PTPRD: variants seen among roughly 807,000 people sequenced by gnomAD.
PTPRD encodes the protein receptor-type tyrosine-protein phosphatase delta.
PTPRD carries 34 observed loss-of-function variants against 214.5 expected under a neutral mutation model. That is an observed-to-expected ratio of 0.16 (90% CI 0.12 to 0.21). PTPRD has a LOEUF of 0.21. Ranked by LOEUF, PTPRD falls within the 10% of genes least tolerant of loss-of-function variation. The pLI is 1.00. For missense variants in PTPRD, 2,545 were observed against 2,398.7 expected (o/e 1.06, Z -1.27); for synonymous variants, 1,128 against 845.7 (o/e 1.33, Z -5.79).
At chr9:10,388,498 C>T (rs898563216) in intron 2 of PTPRD, among the ~76,000 whole-genome samples, 2 of 142,494 alleles carry the variant, frequency 1.4e-5, no homozygotes, top group Non-Finnish European at 3.1e-5. Context: ...AAAAAAAAAG[C>T]TAATGGTGCC....
At chr9:10,332,495 C>T (rs2096769484) in intron 3 of PTPRD, among the ~76,000 whole-genome samples, 2 of 151,770 alleles carry the variant, frequency 1.3e-5, no homozygotes, top group African/African-American at 2.4e-5. Flanking sequence ...ACATCTTTGA[C>T]TTTCGAACCC....
At chr9:9,796,437 G>A (rs1251290991) in intron 5 of PTPRD, among the ~76,000 whole-genome samples, 1 of 152,092 alleles carries the variant, frequency 6.6e-6, no homozygotes, top group Admixed American at 6.6e-5. Context: ...TTGAAATGAT[G>A]GCTCTGATGT....
intron 2 of PTPRD, among the ~76,000 whole-genome samples, chr9:10,409,721 C>A (rs1478510201): frequency 6.6e-6 from 1 of 151,750 alleles, no homozygotes; most frequent in Non-Finnish European, 1.5e-5. Context: ...AAATTTGCTT[C>A]TAATAAATAC....
chr9:10,211,875 C>A (rs1267157234), intron 3 of PTPRD, among the ~76,000 whole-genome samples: 1 of 152,034 alleles, frequency 6.6e-6, no homozygotes, highest in Non-Finnish European at 1.5e-5. Context: ...GTGATGGTTG[C>A]ACTAAAAGCC....
intron 32 of PTPRD, among the ~76,000 whole-genome samples, chr9:8,463,435 A>G (rs965345260): frequency 4.6e-5 from 7 of 151,424 alleles, no homozygotes; most frequent in African/African-American, 1.5e-4. Flanking sequence ...TGCTTTACCC[A>G]CTCCATTTTG....
intron 14 of PTPRD, among the ~76,000 whole-genome samples, chr9:8,630,761 G>A (rs2096227899): frequency 6.6e-6 from 1 of 151,816 alleles, no homozygotes; most frequent in Non-Finnish European, 1.5e-5. Flanking sequence ...AAAAGCAGAG[G>A]AGATGATGAA....
Position 8,486,435 on chromosome 9 carries a change from C to G in PTPRD, c.2468-86G>C, listed in dbSNP as rs1450644449. On this transcript the variant is annotated intron_variant, in intron 27 of 45. Coordinates refer to ENST00000381196, the MANE Select transcript of PTPRD (RefSeq NM_002839.4). ...TGCCAAATGAGGGAGTTCCACTCTA[C>G]TGGTATTCCCATTTTCTTACTTACC... The G allele has an allele frequency of 5.3e-6, 6 of 1,135,764 alleles. No homozygotes were observed. The South Asian group carries it at 7.4e-5, about 14-fold the overall frequency. The allele number at this position is 1,135,764 out of a possible 1,614,324, so 70.4% of individuals were successfully genotyped here. A position where few individuals can be genotyped will look rare whatever the true frequency, so the allele number is the denominator to read the frequency against.
At chr9:10,082,462 A>T (rs1460007122) in intron 3 of PTPRD, among the ~76,000 whole-genome samples, 1 of 152,096 alleles carries the variant, frequency 6.6e-6, no homozygotes, top group Non-Finnish European at 1.5e-5. Context: ...TGATTTATGT[A>T]TATGGCTACA....
chr9:9,576,756 G>C (rs1034070353), intron 7 of PTPRD, among the ~76,000 whole-genome samples: 1 of 152,108 alleles, frequency 6.6e-6, no homozygotes, highest in African/African-American at 2.4e-5. Context: ...ATTACTAAAA[G>C]TTTAAAGTCA....
intron 34 of PTPRD, among the ~76,000 whole-genome samples, chr9:8,440,571 C>T (rs1030132835): frequency 6.6e-6 from 1 of 152,166 alleles, no homozygotes; most frequent in Non-Finnish European, 1.5e-5. Context: ...CCTCGGGCTC[C>T]CAAAGTGCTG....
At chr9:9,613,476 C>T (rs2094658772) in intron 7 of PTPRD, among the ~76,000 whole-genome samples, 1 of 151,892 alleles carries the variant, frequency 6.6e-6, no homozygotes, top group South Asian at 2.1e-4. Context: ...TACATTCTTG[C>T]CCTTGTTGTG....
At chr9:8,929,885 G>GCA (rs368060524) in intron 11 of PTPRD, among the ~76,000 whole-genome samples, 8,867 of 57,492 alleles carry the variant, frequency 0.15, 1,548 homozygotes, top group East Asian at 0.56. Context: ...GTATATATGT[G>GCA]TGTGTATATA....
intron 4 of PTPRD, among the ~76,000 whole-genome samples, chr9:9,962,603 T>C (rs12350467): frequency 0.15 from 22,375 of 152,062 alleles, 1,733 homozygotes; most frequent in African/African-American, 0.18. Context: ...GCCAACATTA[T>C]TTCAGTTGTC....
intron 9 of PTPRD, among the ~76,000 whole-genome samples, chr9:9,249,303 G>C (rs1335812246): frequency 6.6e-6 from 1 of 152,004 alleles, no homozygotes; most frequent in Admixed American, 6.6e-5. Context: ...ACCAGAATCA[G>C]ACGCTGGTGC....
intron 5 of PTPRD, among the ~76,000 whole-genome samples, chr9:9,822,151 T>C (rs1447383640): frequency 1.3e-5 from 2 of 150,780 alleles, no homozygotes; most frequent in Non-Finnish European, 3.0e-5. Context: ...GGTGGCTCAC[T>C]CCTGTATTTT....
intron 12 of PTPRD, among the ~76,000 whole-genome samples, chr9:8,683,385 CAAAA>C (rs78015875): frequency 5.6e-5 from 6 of 107,058 alleles, no homozygotes; most frequent in Non-Finnish European, 1.1e-4. Context: ...ACTCCTTTCT[CAAAA>C]AAAAAAAAAA....
chr9:8,556,286 T>C (rs1053380829), intron 14 of PTPRD, among the ~76,000 whole-genome samples: 1 of 152,234 alleles, frequency 6.6e-6, no homozygotes, highest in Non-Finnish European at 1.5e-5. Context: ...ATTTGGGTCA[T>C]GTTTGATTAC....
At chr9:8,723,083 A>G (rs1291788653) in intron 12 of PTPRD, among the ~76,000 whole-genome samples, 1 of 152,106 alleles carries the variant, frequency 6.6e-6, no homozygotes, top group Non-Finnish European at 1.5e-5. Flanking sequence ...GTTTCCCTAC[A>G]TACTCTCCTA....
intron 11 of PTPRD, among the ~76,000 whole-genome samples, chr9:8,814,771 A>G (rs1472021861): frequency 1.3e-5 from 2 of 152,240 alleles, no homozygotes; most frequent in African/African-American, 4.8e-5. Context: ...AATAGTATGG[A>G]TTATACAACT....
Sources: gnomAD v4.1 joint callset for allele counts (sites outside exome capture counted in the v4.1 genomes callset) on GRCh38, gnomAD v4.1.1 for gene constraint, MANE v1.5 for transcripts, NCBI Gene and HGNC (gene_info 2026-07-23, HGNC 2026-07-21) for gene names.